The following ESD variants were observed in gnomAD, a reference collection of about 807,000 sequenced individuals.
ESD encodes S-formylglutathione hydrolase.
Under a neutral mutation model 38.1 loss-of-function variants are expected in ESD, and 34 were observed. That is an observed-to-expected ratio of 0.89 (90% confidence interval 0.68 to 1.19). The LOEUF is 1.19. Ranked by LOEUF, ESD falls within the 50% of genes most tolerant of loss-of-function variation. The pLI, the probability that ESD is intolerant of heterozygous loss-of-function variation, is 0.00. For missense variants in ESD, 334 were observed against 327.2 expected (o/e 1.02, Z -0.16); for synonymous variants, 97 against 107.0 (o/e 0.91, Z 0.58).
At chr13:46,781,698 A>T in intron 6 of ESD, 83 bp from the exon 7 acceptor site, 1 of 1,238,910 alleles carries the variant, frequency 8.1e-7, no homozygotes, top group Non-Finnish European at 1.2e-6. Context: ...TAATTACACA[A>T]TCAATACTGC....
intron 3 of ESD, among the ~76,000 whole-genome samples, chr13:46,789,252 T>C (rs1875306630): frequency 6.6e-6 from 1 of 152,196 alleles, no homozygotes; most frequent in Admixed American, 6.5e-5. Context: ...TATTATTCAG[T>C]TGCTTCCAAA....
intron 1 of ESD, 127 bp from the exon 2 acceptor site, chr13:46,793,571 C>T (rs1875468567): frequency 6.6e-6 from 1 of 152,210 alleles, no homozygotes; most frequent in Non-Finnish European, 1.5e-5. Flanking sequence ...GACTGTACAC[C>T]CTGATGGGAT....
chr13:46,772,502 G>A (rs1044094899), intron 9 of ESD, among the ~76,000 whole-genome samples: 4 of 152,200 alleles, frequency 2.6e-5, no homozygotes, highest in African/African-American at 9.7e-5. Flanking sequence ...GTAAACGTGT[G>A]CCATGGTGGT....
chr13:46,781,724 C>G, intron 6 of ESD, 109 bp from the exon 7 acceptor site: 1 of 1,043,188 alleles, frequency 9.6e-7, no homozygotes. Context: ...CATAGTCTTA[C>G]AATGGTTTGA....
Position 46,780,011 on chromosome 13 carries a change from A to G in ESD, c.524T>C (p.Ile175Thr), listed in dbSNP as rs1874945083. 59 of 1,598,304 alleles carry G rather than the reference A, an allele frequency of 3.7e-5. No homozygotes were observed. The highest frequency in any genetic ancestry group is 5.0e-5 in the Non-Finnish European group (59 of 1,170,992). The change falls in exon 8 of 10, where the codon ATT becomes ACT. Residue 175 changes from isoleucine to threonine, a missense_variant. Physicochemically the swap from Ile to Thr is moderately conservative, Grantham distance 89. Transcript: ENST00000378720. ...KYKSVSAFAPICNPVLCPWGK... is the reference protein window; with the variant it reads ...KYKSVSAFAPTCNPVLCPWGK... ...CCAGGGACAGAGTACAGGGTTGCAA[A>G]TTGGAGCAAATGCTGACACAGACTT...
intron 5 of ESD, among the ~76,000 whole-genome samples, chr13:46,783,550 A>ATGTC (rs1297989686): frequency 4.6e-5 from 3 of 65,736 alleles, no homozygotes; most frequent in Admixed American, 2.8e-4. Flanking sequence ...TCCCTTTTAT[A>ATGTC]TATCTATTTT....
chr13:46,791,207 T>A, intron 3 of ESD, 139 bp downstream of exon 3: 1 of 618,464 alleles, frequency 1.6e-6, no homozygotes. Context: ...AATTGTCAAA[T>A]ACATAACCAC....
intron 6 of ESD, among the ~76,000 whole-genome samples, chr13:46,782,212 T>C (rs185868310): frequency 6.6e-6 from 1 of 151,894 alleles, no homozygotes; most frequent in Non-Finnish European, 1.5e-5. Flanking sequence ...GAATTATGGG[T>C]AATTAAAAAC....
intron 6 of ESD, among the ~76,000 whole-genome samples, chr13:46,782,191 G>A (rs879301380): frequency 2.0e-5 from 3 of 151,662 alleles, no homozygotes; most frequent in Non-Finnish European, 3.0e-5. Context: ...AAGTGTTTTG[G>A]GGGGGTAACA....
intron 1 of ESD, among the ~76,000 whole-genome samples, chr13:46,794,803 G>A (rs1652840991): frequency 6.6e-6 from 1 of 152,054 alleles, no homozygotes; most frequent in African/African-American, 2.4e-5. Flanking sequence ...TCTTCTCAGT[G>A]AAAACTCAGG....
chr13:46,781,667 A>G, intron 6 of ESD, 52 bp from the exon 7 acceptor site: 1 of 1,525,428 alleles, frequency 6.6e-7, no homozygotes, highest in South Asian at 1.1e-5. Context: ...ATAAGTTCAG[A>G]CATTTCAAAG....
intron 8 of ESD, among the ~76,000 whole-genome samples, chr13:46,779,448 T>C (rs1253824298): frequency 2.0e-5 from 3 of 151,458 alleles, no homozygotes; most frequent in Admixed American, 6.6e-5. Flanking sequence ...AGTACCCACA[T>C]GACGCTTAAA....
intron 4 of ESD, 117 bp downstream of exon 4, chr13:46,786,904 C>G (rs1875211924): frequency 1.4e-5 from 7 of 487,830 alleles, no homozygotes; most frequent in Non-Finnish European, 2.4e-5. Context: ...ATGACAGGTC[C>G]TTAAAGTCTT....
At chr13:46,772,215 A>T (rs1874630946) in intron 9 of ESD, among the ~76,000 whole-genome samples, 1 of 152,220 alleles carries the variant, frequency 6.6e-6, no homozygotes, top group Non-Finnish European at 1.5e-5. Context: ...GTAAAAAGTC[A>T]GTAATCCTTT....
intron 8 of ESD, among the ~76,000 whole-genome samples, chr13:46,779,284 AAAC>A (rs1305521444): frequency 1.3e-5 from 2 of 151,784 alleles, no homozygotes; most frequent in East Asian, 3.9e-4. Flanking sequence ...TAAATTTTGA[AAAC>A]AAAGTAATTT....
rs191724453 is a variant in ESD at position 46,774,844 on chromosome 13, C to A, written c.768+2612G>T. Among the ~76,000 whole-genome samples, 333 of 152,252 alleles carry A rather than the reference C, an allele frequency of 2.2e-3. 1 individual carries two copies. Among genetic ancestry groups the A allele is most frequent in the African/African-American group, 7.7e-3 (319 of 41,554 alleles). ...AGAGTCTCTGTGCTAGATACCTATGCTAAATAAGCATGGGATACAGAGATG... is the reference window on the plus strand; with the variant it reads ...AGAGTCTCTGTGCTAGATACCTATGATAAATAAGCATGGGATACAGAGATG... On this transcript the variant is annotated intron_variant, in intron 9 of 9. Transcript: ENST00000378720.
intron 4 of ESD, 138 bp from the exon 5 acceptor site, chr13:46,784,488 C>T (rs559394961): frequency 1.7e-6 from 1 of 591,646 alleles, no homozygotes; most frequent in Admixed American, 3.0e-5. Flanking sequence ...TGTTCACTAC[C>T]CGGGTGATGG....
chr13:46,777,395 C>T, intron 9 of ESD, 61 bp downstream of exon 9: 1 of 1,285,582 alleles, frequency 7.8e-7, no homozygotes, highest in Non-Finnish European at 1.1e-6. Context: ...GAAAATATCA[C>T]AGAATCCTAA....
chr13:46,789,196 T>A (rs996393887), intron 3 of ESD, among the ~76,000 whole-genome samples: 2 of 152,348 alleles, frequency 1.3e-5, no homozygotes, highest in Non-Finnish European at 2.9e-5. Flanking sequence ...TTCTTGGATC[T>A]TATGCCTTCA....
Sources: allele counts gnomAD v4.1 joint callset (sites outside exome capture counted in the v4.1 genomes callset), GRCh38; gene constraint gnomAD v4.1.1; transcripts MANE v1.5; gene names NCBI Gene and HGNC (gene_info 2026-07-23, HGNC 2026-07-21).